Variants in PCDH15 observed in about 807,000 individuals in gnomAD.
PCDH15 encodes protocadherin-15.
In PCDH15, 129 loss-of-function variants were observed where a neutral mutation model predicts 178.5. The ratio of observed to expected loss-of-function variants is 0.72; its 90% CI spans 0.63 to 0.84. The LOEUF (loss-of-function observed/expected upper bound fraction) is 0.84. Ranked by LOEUF, PCDH15 falls within the 40% of genes least tolerant of loss-of-function variation. The pLI is 0.00. For missense variants in PCDH15, 2,230 were observed against 2,099.9 expected, an observed-to-expected ratio of 1.06 and a Z score of -1.21; for synonymous variants, 800 against 732.0, an observed-to-expected ratio of 1.09 and a Z score of -1.50.
chr10:55,434,433 A>T (rs1425852756), intron 2 of PCDH15, among the ~76,000 whole-genome samples: 1 of 152,134 alleles, frequency 6.6e-6, no homozygotes, highest in African/African-American at 2.4e-5. Context: ...AATGAGTTTC[A>T]TAATTTCCCA....
chr10:54,789,608 T>G (rs1188880460), intron 1 of PCDH15, among the ~76,000 whole-genome samples: 1 of 151,942 alleles, frequency 6.6e-6, no homozygotes, highest in African/African-American at 2.4e-5. Context: ...TATGTTGACA[T>G]TAAGATATTC....
chr10:54,021,158 G>A (rs1028875596), intron 19 of PCDH15, among the ~76,000 whole-genome samples: 5 of 152,154 alleles, frequency 3.3e-5, no homozygotes, highest in African/African-American at 7.2e-5. Flanking sequence ...AATTGGGAAC[G>A]ATATCCTTTA....
intron 15 of PCDH15, among the ~76,000 whole-genome samples, chr10:54,111,909 T>C (rs563929772): frequency 6.6e-6 from 1 of 151,048 alleles, no homozygotes; most frequent in South Asian, 2.1e-4. Context: ...GGTAGATCAC[T>C]TGAGGTCAGG....
intron 15 of PCDH15, among the ~76,000 whole-genome samples, chr10:54,099,513 A>AAAT (rs1347306483): frequency 5.1e-4 from 60 of 117,916 alleles, no homozygotes; most frequent in East Asian, 1.5e-3. Context: ...AAAAAAAAAA[A>AAAT]ATATATATAT....
intron 5 of PCDH15, among the ~76,000 whole-genome samples, chr10:54,351,688 T>C (rs1351371229): frequency 2.0e-5 from 3 of 152,174 alleles, no homozygotes; most frequent in East Asian, 1.9e-4. Context: ...TTTCCACCCA[T>C]TCATTATGCT....
At chr10:54,593,337 A>G (rs1204301980) in intron 2 of PCDH15, among the ~76,000 whole-genome samples, 1 of 152,074 alleles carries the variant, frequency 6.6e-6, no homozygotes, top group Non-Finnish European at 1.5e-5. Flanking sequence ...ATCCATTTTA[A>G]GTTAATTTTT....
In PCDH15 at chr10:54,418,479, A is replaced by C. The variant is rs145029078; in HGVS notation, c.158-39537T>G. Among the ~76,000 whole-genome samples the C allele has an allele frequency of 8.1e-4, 123 of 152,160 alleles. 1 individual carries two copies. In the East Asian group the frequency reaches 8.9e-3, roughly 11 times the overall value. The stretch of plus-strand genomic sequence containing the variant: ...TAGTATCACTGTTCATCCAGCCTTC[A>C]TTCACTCTAATCTACTCTTATCTAA... On this transcript the variant is annotated intron_variant, in intron 3 of 37. Coordinates refer to ENST00000644397, the MANE Select transcript of PCDH15 (RefSeq NM_001384140.1).
chr10:54,616,169 T>G (rs1344543245), intron 2 of PCDH15, among the ~76,000 whole-genome samples: 1 of 152,090 alleles, frequency 6.6e-6, no homozygotes. Context: ...AAACTATATC[T>G]GTGGGTGGAA....
intron 2 of PCDH15, among the ~76,000 whole-genome samples, chr10:55,049,742 A>T (rs1340841221): frequency 6.6e-6 from 1 of 151,990 alleles, no homozygotes; most frequent in Non-Finnish European, 1.5e-5. Flanking sequence ...TTTGTAATAA[A>T]TTTTCCTAAA....
At chr10:54,864,348 G>T (rs970950656) in intron 3 of PCDH15, among the ~76,000 whole-genome samples, 1 of 151,968 alleles carries the variant, frequency 6.6e-6, no homozygotes, top group Non-Finnish European at 1.5e-5. Flanking sequence ...TTTTCATTAT[G>T]TTTCATAAAT....
chr10:55,442,456 T>TAC (rs1491254290), intron 2 of PCDH15, among the ~76,000 whole-genome samples: 2 of 20,934 alleles, frequency 9.6e-5, no homozygotes, highest in African/African-American at 8.1e-4. Context: ...TTAATTTGAT[T>TAC]ATATATATAT....
intron 25 of PCDH15, among the ~76,000 whole-genome samples, chr10:53,909,935 C>G (rs1197641662): frequency 6.6e-6 from 1 of 152,202 alleles, no homozygotes; most frequent in Non-Finnish European, 1.5e-5. Flanking sequence ...ATCTGCGAGG[C>G]AGCAGCCTGG....
chr10:54,460,287 G>T (rs2077089071), intron 3 of PCDH15, among the ~76,000 whole-genome samples: 1 of 152,036 alleles, frequency 6.6e-6, no homozygotes, highest in South Asian at 2.1e-4. Context: ...GATTAACATG[G>T]TTCCTACACT....
chr10:54,041,589 G>A (rs979697939), intron 18 of PCDH15, among the ~76,000 whole-genome samples: 10 of 152,018 alleles, frequency 6.6e-5, no homozygotes, highest in Non-Finnish European at 7.4e-5. Context: ...CTTTTAACCC[G>A]GCCTCCTGAA....
At chr10:54,644,614 T>C (rs1167682139) in intron 2 of PCDH15, among the ~76,000 whole-genome samples, 1 of 152,142 alleles carries the variant, frequency 6.6e-6, no homozygotes, top group African/African-American at 2.4e-5. Flanking sequence ...GGCCAGTCAT[T>C]CATTCTATTG....
intron 14 of PCDH15, among the ~76,000 whole-genome samples, chr10:54,136,348 C>A (rs184097488): frequency 6.6e-6 from 1 of 151,884 alleles, no homozygotes; most frequent in African/African-American, 2.4e-5. Context: ...TACAAAGTCA[C>A]TTAACGTCTT....
chr10:53,900,953 A>G (rs1177041507), intron 26 of PCDH15, among the ~76,000 whole-genome samples: 1 of 152,170 alleles, frequency 6.6e-6, no homozygotes, highest in Non-Finnish European at 1.5e-5. Flanking sequence ...TAGTAACATA[A>G]GTGGTGATGT....
chr10:54,493,933 G>T (rs1257312250), intron 3 of PCDH15, among the ~76,000 whole-genome samples: 2 of 152,050 alleles, frequency 1.3e-5, no homozygotes, highest in Non-Finnish European at 2.9e-5. Context: ...CATGTCCTTT[G>T]TAGGGACATG....
At chr10:55,306,323 A>AAAT (rs1843424413) in intron 1 of PCDH15, among the ~76,000 whole-genome samples, 1 of 152,222 alleles carries the variant, frequency 6.6e-6, no homozygotes, top group African/African-American at 2.4e-5. Context: ...ATACCAACTG[A>AAAT]AATGTTTTAC....
Sources: allele counts gnomAD v4.1 joint callset (sites outside exome capture counted in the v4.1 genomes callset), GRCh38; gene constraint gnomAD v4.1.1; transcripts MANE v1.5; gene names NCBI Gene and HGNC (gene_info 2026-07-23, HGNC 2026-07-21).